The following PDE10A variants were observed in gnomAD, a reference collection of about 807,000 sequenced individuals.
PDE10A encodes the protein cAMP and cAMP-inhibited cGMP 3',5'-cyclic phosphodiesterase 10A.
Under a neutral mutation model 97.7 loss-of-function variants are expected in PDE10A, and 39 were observed. The observed-to-expected ratio is 0.40, with a 90% CI of 0.31 to 0.52. The LOEUF is 0.52. Among genes scored for constraint, PDE10A ranks in the 20% least tolerant of loss-of-function variants. The pLI is 0.56. For synonymous variants in PDE10A, 371 were observed against 376.8 expected (o/e 0.98, Z 0.18); for missense variants, 731 against 1,047.8 (o/e 0.70, Z 4.17).
intron 1 of PDE10A, among the ~76,000 whole-genome samples, chr6:165,629,879 T>G (rs1024322733): frequency 1.1e-4 from 14 of 129,810 alleles, no homozygotes; most frequent in South Asian, 2.4e-4. Context: ...TGAATTTTTG[T>G]TTTTTTTTAA....
chr6:165,828,259 C>T (rs531245384), intron 1 of PDE10A, among the ~76,000 whole-genome samples: 2 of 152,208 alleles, frequency 1.3e-5, no homozygotes, highest in Non-Finnish European at 2.9e-5. Flanking sequence ...CAGGCTAGAC[C>T]TGCAGTAGGT....
chr6:165,338,169 C>CA (rs1363177693), intron 20 of PDE10A, among the ~76,000 whole-genome samples: 1 of 152,182 alleles, frequency 6.6e-6, no homozygotes, highest in Non-Finnish European at 1.5e-5. Context: ...AAAACCTAGC[C>CA]AGGGACATAA....
chr6:165,978,884 C>A (rs1244265821), intron 1 of PDE10A, among the ~76,000 whole-genome samples: 2 of 152,144 alleles, frequency 1.3e-5, no homozygotes, highest in Admixed American at 1.3e-4. Context: ...TTATAAATAA[C>A]TCTGAAGTAC....
intron 13 of PDE10A, among the ~76,000 whole-genome samples, chr6:165,399,412 CCCAAAT>C (rs1786450252): frequency 6.6e-6 from 1 of 152,124 alleles, no homozygotes. Context: ...AATTATACTG[CCCAAAT>C]CCAATACTTA....
At chr6:165,782,736 C>T (rs528016743) in intron 1 of PDE10A, among the ~76,000 whole-genome samples, 12 of 152,336 alleles carry the variant, frequency 7.9e-5, no homozygotes, top group Middle Eastern at 3.4e-3. Context: ...TACGTCTTAT[C>T]GTGTACCCAG....
At chr6:165,912,041 A>G (rs1782474399) in intron 1 of PDE10A, among the ~76,000 whole-genome samples, 1 of 150,496 alleles carries the variant, frequency 6.6e-6, no homozygotes. Flanking sequence ...TCACCTATCT[A>G]TCTCTATCTC....
chr6:165,365,242 A>G (rs1402588469), intron 18 of PDE10A, among the ~76,000 whole-genome samples: 3 of 152,214 alleles, frequency 2.0e-5, no homozygotes, highest in African/African-American at 4.8e-5. Flanking sequence ...TTTTAAGTGA[A>G]AATAATCTGT....
chr6:165,518,289 C>T (rs1295192957), intron 2 of PDE10A, among the ~76,000 whole-genome samples: 2 of 152,180 alleles, frequency 1.3e-5, no homozygotes, highest in Non-Finnish European at 2.9e-5. Flanking sequence ...CCTTCATCTG[C>T]AGTTTTACTT....
intron 1 of PDE10A, among the ~76,000 whole-genome samples, chr6:165,764,713 C>G (rs1404515791): frequency 6.6e-6 from 1 of 152,090 alleles, no homozygotes; most frequent in African/African-American, 2.4e-5. Context: ...GCAGACCTTC[C>G]CGGTGAGTGT....
chr6:165,821,860 A>G (rs1446024258), intron 1 of PDE10A, among the ~76,000 whole-genome samples: 2 of 151,854 alleles, frequency 1.3e-5, no homozygotes, highest in East Asian at 1.9e-4. Flanking sequence ...TAATTTTTTG[A>G]TAGACTCATG....
intron 1 of PDE10A, among the ~76,000 whole-genome samples, chr6:165,691,774 G>A (rs1483214444): frequency 6.6e-6 from 1 of 152,180 alleles, no homozygotes; most frequent in Non-Finnish European, 1.5e-5. Flanking sequence ...AGCTCAGCAG[G>A]CACCACTCAG....
chr6:165,732,726 C>T (rs756049490), intron 1 of PDE10A, among the ~76,000 whole-genome samples: 2 of 152,226 alleles, frequency 1.3e-5, no homozygotes, highest in African/African-American at 4.8e-5. Context: ...CTGGTCCCAG[C>T]GTCACATCCA....
intron 13 of PDE10A, among the ~76,000 whole-genome samples, chr6:165,402,238 ATAT>A (rs1453264481): frequency 6.6e-6 from 1 of 152,084 alleles, no homozygotes; most frequent in Non-Finnish European, 1.5e-5. Context: ...ACAATTTTTG[ATAT>A]TAATATATTG....
intron 1 of PDE10A, among the ~76,000 whole-genome samples, chr6:165,865,794 A>T (rs1583208652): frequency 6.6e-6 from 1 of 152,270 alleles, no homozygotes; most frequent in East Asian, 1.9e-4. Context: ...GGACACCATA[A>T]AGTAATCAAA....
chr6:165,392,749 T>C lies in PDE10A; in HGVS notation c.2351A>G (p.Asn784Ser). ...GTTGTGATAAGGAACCCGCCGATAG[T>C]TCTTCTTCACAGACATAATAAAACG... The part of the protein sequence containing the change: ...LCRFIMSVKK[N>S]YRRVPYHNWK... The change falls in exon 16 of 22, where the codon AAC (asparagine) becomes AGC (serine). Residue 784 changes from asparagine (N) to serine (S), a missense_variant. Physicochemically the swap from Asn to Ser is conservative, Grantham distance 46 (BLOSUM62 1). Transcript: ENST00000539869. 9 of 1,613,944 alleles carry C rather than the reference T, an allele frequency of 5.6e-6. No individual in the cohort carries two copies. Among genetic ancestry groups the C allele is most frequent in the Non-Finnish European group, 7.6e-6 (9 of 1,179,860 alleles).
intron 1 of PDE10A, among the ~76,000 whole-genome samples, chr6:165,820,673 T>C (rs1779545723): frequency 6.6e-6 from 1 of 152,094 alleles, no homozygotes; most frequent in South Asian, 2.1e-4. Flanking sequence ...TACCTTACCA[T>C]GAAGGAAGCT....
chr6:165,688,834 AT>A (rs1250010398), intron 1 of PDE10A, among the ~76,000 whole-genome samples: 3 of 152,164 alleles, frequency 2.0e-5, no homozygotes, highest in African/African-American at 7.2e-5. Flanking sequence ...CTGTGACTGT[AT>A]GAGTGTGTGT....
At chr6:165,439,025 A>G (rs1457745838) in intron 5 of PDE10A, among the ~76,000 whole-genome samples, 10 of 152,062 alleles carry the variant, frequency 6.6e-5, no homozygotes, top group African/African-American at 2.4e-4. Context: ...GAAGGCATTA[A>G]TCATTAATAA....
chr6:165,789,926 A>G (rs1276147242), intron 1 of PDE10A, among the ~76,000 whole-genome samples: 2 of 152,206 alleles, frequency 1.3e-5, no homozygotes. Context: ...TTTGTGGATA[A>G]GAAAGAGACG....
Sources: allele counts gnomAD v4.1 joint callset (sites outside exome capture counted in the v4.1 genomes callset), GRCh38; gene constraint gnomAD v4.1.1; transcripts MANE v1.5; gene names NCBI Gene and HGNC (gene_info 2026-07-23, HGNC 2026-07-21).